Variants in ATPSCKMT observed in about 807,000 individuals in gnomAD.
ATPSCKMT encodes ATP synthase c subunit lysine N-methyltransferase.
In ATPSCKMT, 24 loss-of-function variants were observed where a neutral mutation model predicts 24.3. The observed-to-expected ratio is 0.99, with a 90% CI of 0.71 to 1.39. The LOEUF is 1.39. ATPSCKMT is among the 40% of genes most tolerant of loss of function. The probability of loss-of-function intolerance (pLI) is 0.00; values close to 1 mark genes in which losing one functional copy is unlikely to be tolerated. For missense variants in ATPSCKMT, 311 were observed against 298.4 expected (o/e 1.04, Z -0.31); for synonymous variants, 95 against 110.5 (o/e 0.86, Z 0.88).
Position 10,225,762 on chromosome 5 carries a change from A to G in ATPSCKMT, c.*1679T>C, listed in dbSNP as rs1365656589. On this transcript the variant is annotated 3_prime_UTR_variant, in exon 5 of 5. Transcript: ENST00000511437. ...ATTTGGGTAGGGACACAGCCAAACC[A>G]TATCAATGCCTCTATAAACCCACCA... is the stretch of plus-strand genomic sequence containing the variant. 3.3e-5 allele frequency among the ~76,000 whole-genome samples: 5 copies of G among 152,256 alleles called. No individual in the cohort carries two copies. In the South Asian group the frequency reaches 6.2e-4, roughly 19 times the overall value.
At position 10,226,420 on chromosome 5, in the gene ATPSCKMT, T is replaced by C. The variant is rs1252498102; in HGVS notation, c.*1021A>G. 6.6e-6 allele frequency: 1 copy of C among 152,240 alleles called. No individual in the cohort carries two copies. The highest frequency in any genetic ancestry group is 6.5e-5 in the Admixed American group (1 of 15,282). 9.4% of individuals were successfully genotyped at this position (152,240 alleles called of 1,614,324 possible). A position where few individuals can be genotyped will look rare whatever the true frequency, so the allele number is the denominator to read the frequency against. On this transcript the variant is annotated 3_prime_UTR_variant, in exon 5 of 5. Transcript: ENST00000511437. Reference sequence around the variant, plus strand: ...GTTTGGTATTTCAGTTACAGGTGTATGACTGGGAGTTCAATTCTTTTCTGT... The same window carrying C: ...GTTTGGTATTTCAGTTACAGGTGTACGACTGGGAGTTCAATTCTTTTCTGT...
intron 4 of ATPSCKMT, among the ~76,000 whole-genome samples, chr5:10,233,948 T>C (rs1456199248): frequency 2.0e-5 from 3 of 152,202 alleles, no homozygotes; most frequent in Admixed American, 6.5e-5. Flanking sequence ...ATTTCACTTC[T>C]ATAAGAAAAG....
At chr5:10,229,304 AT>A (rs1561024944) in intron 4 of ATPSCKMT, among the ~76,000 whole-genome samples, 4 of 152,162 alleles carry the variant, frequency 2.6e-5, no homozygotes, top group African/African-American at 7.2e-5. Context: ...TTTCGTGACA[AT>A]AACATTCTTC....
At position 10,239,327 on chromosome 5, in the gene ATPSCKMT, T is replaced by C. The variant is rs763610742; in HGVS notation, c.46A>G (p.Ser16Gly). The C allele has an allele frequency of 2.2e-5, 36 of 1,613,984 alleles. No homozygotes were observed. The Admixed American group carries it at 6.0e-4, about 27-fold the overall frequency. ...GCAGGTAGAACATGTCTTGACTGAC[T>C]TTCTTCTTTAAGTGTTTCTAGGGGT... is the stretch of plus-strand genomic sequence containing the variant. ...GIPLETLKEE[S>G]QSRHVLPASF... The change falls in exon 2 of 5, where the codon AGT (serine) becomes GGT (glycine). Residue 16 changes from serine to glycine, a missense_variant. By Grantham distance (56) the Ser-to-Gly change is moderately conservative. Transcript: ENST00000511437.
At position 10,227,501 on chromosome 5, in the gene ATPSCKMT, A is replaced by G. The variant is rs200767930; in HGVS notation, c.642T>C (p.Phe214=). 8.5e-5 allele frequency: 137 copies of G among 1,614,050 alleles called. No individual in the cohort carries two copies. The highest frequency in any genetic ancestry group is 6.7e-5 in the Admixed American group (4 of 60,000). ...DTVWAYDAST[F]RGREKRPCTS... is the part of the protein sequence containing the mutation. Reference sequence around the variant, plus strand: ...TACAGGGCCTCTTTTCACGGCCTCTAAAAGTGCTTGCATCATATGCCCACA... The same window carrying G: ...TACAGGGCCTCTTTTCACGGCCTCTGAAAGTGCTTGCATCATATGCCCACA... The change falls in exon 5 of 5, where the codon TTT becomes TTC. Residue 214 remains phenylalanine (F), a synonymous_variant. Coordinates refer to ENST00000511437, the MANE Select transcript of ATPSCKMT (RefSeq NM_199133.4).
intron 4 of ATPSCKMT, among the ~76,000 whole-genome samples, chr5:10,229,907 G>A (rs145698457): frequency 2.8e-4 from 43 of 152,318 alleles, no homozygotes; most frequent in Admixed American, 2.0e-3. Context: ...AATACTGTGA[G>A]CACTCCTTAC....
intron 1 of ATPSCKMT, among the ~76,000 whole-genome samples, chr5:10,246,444 C>CA (rs1467841936): frequency 4.6e-5 from 4 of 86,810 alleles, no homozygotes; most frequent in African/African-American, 9.5e-5. Context: ...CCCTGTCTCT[C>CA]AAAAAAAAGA....
At chr5:10,234,675 C>A (rs955230765) in intron 4 of ATPSCKMT, among the ~76,000 whole-genome samples, 2 of 152,184 alleles carry the variant, frequency 1.3e-5, no homozygotes, top group African/African-American at 4.8e-5. Flanking sequence ...CTTCCAAAGG[C>A]TAAGGAGGGC....
rs754687317 is a variant in ATPSCKMT, at chr5:10,239,021, T to A, written c.306+46A>T. On this transcript the variant is annotated intron_variant, in intron 2 of 4. Transcript: ENST00000511437. ...AGCCTTACTAAATGTAAAGCAGAAA[T>A]TTTAAGTTCTGGTTTCAAACCTTAA... The A allele has an allele frequency of 1.9e-6, 3 of 1,578,184 alleles. No individual in the cohort carries two copies. The South Asian group carries it at 3.6e-5, about 19-fold the overall frequency.
intron 1 of ATPSCKMT, among the ~76,000 whole-genome samples, chr5:10,242,215 T>G (rs940768434): frequency 6.6e-6 from 1 of 152,242 alleles, no homozygotes; most frequent in African/African-American, 2.4e-5. Flanking sequence ...TGATGCTGTT[T>G]GATAGCATTT....
At chr5:10,235,850 G>A (rs922114650) in intron 3 of ATPSCKMT, among the ~76,000 whole-genome samples, 11 of 152,094 alleles carry the variant, frequency 7.2e-5, no homozygotes, top group African/African-American at 2.4e-4. Context: ...TAGAGAGATC[G>A]TTTATGCACA....
At chr5:10,240,469 T>A (rs577451105) in intron 1 of ATPSCKMT, among the ~76,000 whole-genome samples, 1 of 152,178 alleles carries the variant, frequency 6.6e-6, no homozygotes, top group African/African-American at 2.4e-5. Flanking sequence ...AAAGCAGGAC[T>A]CCTCCAGAGC....
At chr5:10,244,240 T>C (rs949365529) in intron 1 of ATPSCKMT, among the ~76,000 whole-genome samples, 4 of 152,098 alleles carry the variant, frequency 2.6e-5, no homozygotes, top group African/African-American at 9.7e-5. Context: ...TCCCTGATCA[T>C]AGATCACCAT....
intron 1 of ATPSCKMT, among the ~76,000 whole-genome samples, chr5:10,240,378 A>C (rs1220038968): frequency 6.6e-6 from 1 of 152,222 alleles, no homozygotes; most frequent in Non-Finnish European, 1.5e-5. Flanking sequence ...AATGCATTTA[A>C]ATGGGATCTC....
intron 1 of ATPSCKMT, among the ~76,000 whole-genome samples, chr5:10,240,026 A>G (rs1274456935): frequency 6.6e-6 from 1 of 151,728 alleles, no homozygotes; most frequent in Non-Finnish European, 1.5e-5. Context: ...GGACATCGAG[A>G]CCATCCTGGC....
intron 1 of ATPSCKMT, chr5:10,249,623 G>T: frequency 1.8e-6 from 1 of 555,452 alleles, no homozygotes; most frequent in Non-Finnish European, 3.0e-6. Context: ...CTTGCACTAA[G>T]TAGCCTAGAA....
intron 4 of ATPSCKMT, among the ~76,000 whole-genome samples, chr5:10,229,763 C>T (rs1362733592): frequency 6.6e-6 from 1 of 152,248 alleles, no homozygotes; most frequent in African/African-American, 2.4e-5. Flanking sequence ...AGGACAAACA[C>T]CTATATTCTT....
intron 1 of ATPSCKMT, among the ~76,000 whole-genome samples, chr5:10,243,424 C>G (rs1332177106): frequency 6.6e-5 from 10 of 151,924 alleles, no homozygotes; most frequent in African/African-American, 2.4e-4. Flanking sequence ...GCAGAGGTTG[C>G]AGTGATCAGG....
intron 1 of ATPSCKMT, among the ~76,000 whole-genome samples, chr5:10,244,120 G>A (rs957998966): frequency 6.6e-6 from 1 of 152,196 alleles, no homozygotes; most frequent in Admixed American, 6.5e-5. Context: ...GAGAGAGATA[G>A]AGGAATGGCC....
Sources: allele counts gnomAD v4.1 joint callset (sites outside exome capture counted in the v4.1 genomes callset), GRCh38; gene constraint gnomAD v4.1.1; transcripts MANE v1.5; gene names NCBI Gene and HGNC (gene_info 2026-07-23, HGNC 2026-07-21).